CRAMP1: variants seen among roughly 807,000 people sequenced by gnomAD.
CRAMP1 encodes protein cramped-like.
A neutral mutation model predicts 115.4 loss-of-function variants in CRAMP1; 50 were observed. The ratio of observed to expected loss-of-function variants is 0.43; its 90% CI spans 0.35 to 0.55. CRAMP1 has a LOEUF of 0.55. Among genes scored for constraint, CRAMP1 ranks in the 20% least tolerant of loss-of-function variants. The pLI is 0.01. For missense variants in CRAMP1, 1,679 were observed against 1,721.7 expected, an observed-to-expected ratio of 0.98 and a Z score of 0.44; for synonymous variants, 866 against 745.4, an observed-to-expected ratio of 1.16 and a Z score of -2.64.
At chr16:1,612,733 C>CGG (rs372565292) in intron 1 of CRAMP1, among the ~76,000 whole-genome samples, 76 bp downstream of exon 1, 6 of 151,110 alleles carry the variant, frequency 4.0e-5, no homozygotes, top group African/African-American at 7.3e-5. Context: ...CGGGAGAGCG[C>CGG]GGGGGGGGCG....
intron 14 of CRAMP1, among the ~76,000 whole-genome samples, 172 bp downstream of exon 14, chr16:1,665,310 G>A (rs992996308): frequency 2.6e-5 from 4 of 152,166 alleles, no homozygotes; most frequent in African/African-American, 4.8e-5. Flanking sequence ...CTGCGGTGGC[G>A]GGCGAGGCAG....
Position 1,662,803 on chromosome 16 carries a change from A to T in CRAMP1, c.2638A>T (p.Asn880Tyr). Residue 880 changes from asparagine to tyrosine, a missense_variant, in exon 13 of 21, where the codon AAC becomes TAC. Around this residue, in one of 8 missense-constraint regions of CRAMP1, gnomAD observed 709 missense variants for 741.9 expected, o/e 0.96. Coordinates refer to ENST00000397412, the MANE Select transcript of CRAMP1 (RefSeq NM_020825.4). Reference sequence around the variant, plus strand: ...CCTGCCAAAGCCCCGGAAGCTGCGGAACCGGCACCTGCGGAAGCCACTGGT... The same window carrying T: ...CCTGCCAAAGCCCCGGAAGCTGCGGTACCGGCACCTGCGGAAGCCACTGGT... ...FFLPKPRKLR[N>Y]RHLRKPLVVQ... is the part of the protein sequence containing the mutation. 1 of 1,613,890 alleles carries T rather than the reference A, an allele frequency of 6.2e-7. No individual in the cohort carries two copies. The highest frequency in any genetic ancestry group is 8.5e-7 in the Non-Finnish European group (1 of 1,179,884).
At chr16:1,621,389 C>A (rs567168534) in intron 2 of CRAMP1, among the ~76,000 whole-genome samples, 1 of 152,302 alleles carries the variant, frequency 6.6e-6, no homozygotes, top group African/African-American at 2.4e-5. Flanking sequence ...GTTTGGGAGA[C>A]CTGAGAAGAG....
At chr16:1,642,583 C>A (rs769322517) in intron 6 of CRAMP1, among the ~76,000 whole-genome samples, 3 of 152,224 alleles carry the variant, frequency 2.0e-5, no homozygotes, top group Non-Finnish European at 4.4e-5. Context: ...CCCACTCTTG[C>A]TCCTGCTCTA....
Position 1,614,330 on chromosome 16 carries a change from C to T in CRAMP1, c.-1-309C>T, listed in dbSNP as rs1208913626. 1.4e-5 allele frequency among the ~76,000 whole-genome samples: 2 copies of T among 145,618 alleles called. No homozygotes were observed. Among genetic ancestry groups the T allele is most frequent in the East Asian group, 4.0e-4 (2 of 4,974 alleles). On this transcript the variant is annotated intron_variant, in intron 1 of 20. Coordinates refer to ENST00000397412, the MANE Select transcript of CRAMP1 (RefSeq NM_020825.4). This position sits in a 1 kb window ranked among gnomAD's most constrained non-coding sequence, Gnocchi z 4.4. ...ATAGACCCCGGGGCCGGGGCCGGGG[C>T]CGGGGCCGGGCAGGGTCCGCCGAGC...
chr16:1,640,492 G>T (rs1444314223), intron 5 of CRAMP1, among the ~76,000 whole-genome samples: 1 of 152,142 alleles, frequency 6.6e-6, no homozygotes. Context: ...CCTAAAACAT[G>T]CAGAAGAATT....
intron 3 of CRAMP1, among the ~76,000 whole-genome samples, chr16:1,627,082 T>A (rs2036514110): frequency 6.6e-6 from 1 of 152,226 alleles, no homozygotes; most frequent in Non-Finnish European, 1.5e-5. Context: ...GTGTGCACGC[T>A]TCATACTTTA....
intron 4 of CRAMP1, among the ~76,000 whole-genome samples, chr16:1,636,333 C>T (rs536239701): frequency 7.3e-5 from 11 of 151,246 alleles, no homozygotes; most frequent in East Asian, 2.0e-4. Context: ...ATCGCGTCAC[C>T]GCACTCCAGC....
At chr16:1,641,324 C>A in intron 6 of CRAMP1, 137 bp downstream of exon 6, 1 of 683,966 alleles carries the variant, frequency 1.5e-6, no homozygotes, top group Non-Finnish European at 2.6e-6. Flanking sequence ...GTGTTCAGTC[C>A]CAACAAAAGG....
intron 9 of CRAMP1, 65 bp from the exon 10 acceptor site, chr16:1,655,812 A>T: frequency 6.5e-7 from 1 of 1,543,744 alleles, no homozygotes; most frequent in Non-Finnish European, 8.8e-7. Context: ...GTCTGTACCC[A>T]TGTGCCTGGT....
At chr16:1,648,494 A>G (rs979225072) in intron 6 of CRAMP1, among the ~76,000 whole-genome samples, 3 of 151,830 alleles carry the variant, frequency 2.0e-5, no homozygotes, top group Admixed American at 6.6e-5. Flanking sequence ...AGTCCCAGCT[A>G]CTTGGGAGGC....
Position 1,668,112 on chromosome 16 carries a change from G to A in CRAMP1, c.3253G>A (p.Glu1085Lys). 2 of 1,613,648 alleles carry A rather than the reference G, an allele frequency of 1.2e-6. No homozygotes were observed. The highest frequency in any genetic ancestry group is 1.7e-6 in the Non-Finnish European group (2 of 1,179,892). ...LLDISLPGPP[E>K]DALSQGEPAT... ...CGACATCTCCCTGCCCGGCCCACCT[G>A]AGGATGCGCTGTCACAGGGCGAGCC... Residue 1085 changes from glutamate to lysine, a missense_variant, in exon 18 of 21, where the codon GAG (glutamate) becomes AAG (lysine). By Grantham distance (56) the Glu-to-Lys change is moderately conservative. Transcript: ENST00000397412.
rs2036957805 is a variant in CRAMP1, at chr16:1,675,253, C to T, written c.*1208C>T. 6.6e-6 allele frequency: 1 copy of T among 152,342 alleles called. No individual in the cohort carries two copies. The highest frequency in any genetic ancestry group is 1.5e-5 in the Non-Finnish European group (1 of 68,136). The allele number at this position is 152,342 out of a possible 1,614,324, so 9.4% of individuals were successfully genotyped here. A position where few individuals can be genotyped will look rare whatever the true frequency, so the allele number is the denominator to read the frequency against. On this transcript the variant is annotated 3_prime_UTR_variant, in exon 21 of 21. Coordinates refer to ENST00000397412, the MANE Select transcript of CRAMP1 (RefSeq NM_020825.4). ...CCCCAGGACAGAGCTAACAAGGGCCCCTTTGCCTTCTCATCCTCAGGAGTT... is the reference window on the plus strand; with the variant it reads ...CCCCAGGACAGAGCTAACAAGGGCCTCTTTGCCTTCTCATCCTCAGGAGTT...
chr16:1,646,140 T>C (rs1017894014), intron 6 of CRAMP1, among the ~76,000 whole-genome samples: 4 of 152,170 alleles, frequency 2.6e-5, no homozygotes, highest in African/African-American at 9.7e-5. Context: ...TGTTCCACAG[T>C]GTTGACATGC....
At chr16:1,647,149 C>T (rs1031596727) in intron 6 of CRAMP1, 2 of 687,168 alleles carry the variant, frequency 2.9e-6, no homozygotes, top group East Asian at 2.7e-5. Flanking sequence ...GCTGTCGCCT[C>T]TACCTCTCAT....
At chr16:1,646,273 G>A (rs1422003050) in intron 6 of CRAMP1, among the ~76,000 whole-genome samples, 3 of 152,170 alleles carry the variant, frequency 2.0e-5, no homozygotes, top group African/African-American at 7.2e-5. Flanking sequence ...CGGTCCCCAG[G>A]AGGAGGAGGA....
intron 4 of CRAMP1, among the ~76,000 whole-genome samples, chr16:1,634,257 CT>C (rs1173328663): frequency 6.6e-5 from 10 of 152,216 alleles, no homozygotes; most frequent in Non-Finnish European, 1.2e-4. Context: ...CCTCAGGCTC[CT>C]GGCGTAGACT....
In CRAMP1 at chr16:1,617,429, CTT is replaced by C. The variant is rs2036430384; in HGVS notation, c.346+2446_346+2447del. ...GTGGTGGCAGTTGCCCCGCAACAGT[CTT>C]TAGCTCACCTTCCAGAAAGATGCTC... On this transcript the variant is annotated intron_variant, in intron 2 of 20. Transcript: ENST00000397412. 2.6e-5 allele frequency among the ~76,000 whole-genome samples: 4 copies of C among 152,374 alleles called. No homozygotes were observed. In the South Asian group the frequency reaches 8.3e-4, roughly 32 times the overall value.
At chr16:1,652,089 G>A (rs968002180) in intron 6 of CRAMP1, among the ~76,000 whole-genome samples, 13 of 152,204 alleles carry the variant, frequency 8.5e-5, no homozygotes, top group Admixed American at 7.2e-4. Flanking sequence ...TGGGGAGGAG[G>A]ACTGAGAGCT....
Sources: gnomAD v4.1 joint callset for allele counts (sites outside exome capture counted in the v4.1 genomes callset) on GRCh38, gnomAD v4.1.1 for gene constraint, gnomAD v4.1.1 regional missense constraint, Gnocchi (gnomAD v3.1) non-coding constraint, MANE v1.5 for transcripts, NCBI Gene and HGNC (gene_info 2026-07-23, HGNC 2026-07-21) for gene names.